Variants in FAM13C observed in about 807,000 individuals in gnomAD.
FAM13C encodes family with sequence similarity 13 member C.
FAM13C carries 37 observed loss-of-function variants against 73.2 expected under a neutral mutation model. That is an observed-to-expected ratio of 0.51 (90% CI 0.39 to 0.67). The LOEUF (loss-of-function observed/expected upper bound fraction) is 0.67, where lower values mean the gene tolerates loss of function less well. FAM13C is among the 30% of genes least tolerant of loss of function. FAM13C has a pLI of 0.00. For missense variants in FAM13C, 589 were observed against 715.6 expected, an observed-to-expected ratio of 0.82 and a Z score of 2.02; for synonymous variants, 246 against 260.9, an observed-to-expected ratio of 0.94 and a Z score of 0.55.
Position 59,252,955 on chromosome 10 carries a change from T to C in FAM13C, c.1376A>G (p.Gln459Arg). The C allele has an allele frequency of 6.2e-7, 1 of 1,614,062 alleles. No homozygotes were observed. The highest frequency in any genetic ancestry group is 1.1e-5 in the South Asian group (1 of 91,074). ...DSDEDRPQGSQQPSLADPASH... is the reference protein window; with the variant it reads ...DSDEDRPQGSRQPSLADPASH... ...TGCTGGATCTGCCAAAGAAGGTTGT[T>C]GGCTTCCCTGTGGACGGTCTTCATC... Residue 459 changes from glutamine (Q) to arginine (R), a missense_variant, in exon 12 of 14, where the codon CAA (glutamine) becomes CGA (arginine). Transcript: ENST00000618804.
chr10:59,325,708 G>A (rs1851013219), intron 3 of FAM13C, among the ~76,000 whole-genome samples: 1 of 152,158 alleles, frequency 6.6e-6, no homozygotes, highest in African/African-American at 2.4e-5. Context: ...AATTCCACAA[G>A]TGCCTGCCAA....
chr10:59,312,900 A>G (rs1385322995), intron 4 of FAM13C, among the ~76,000 whole-genome samples: 1 of 152,136 alleles, frequency 6.6e-6, no homozygotes, highest in African/African-American at 2.4e-5. Context: ...CTCTTGCTCC[A>G]TCAGCTCCAG....
intron 5 of FAM13C, among the ~76,000 whole-genome samples, chr10:59,300,504 G>A (rs1273529260): frequency 1.3e-5 from 2 of 152,080 alleles, no homozygotes; most frequent in Non-Finnish European, 2.9e-5. Context: ...ATAACAAAAA[G>A]TTCTACCTTA....
At chr10:59,298,250 T>C (rs968536341) in intron 5 of FAM13C, among the ~76,000 whole-genome samples, 4 of 152,226 alleles carry the variant, frequency 2.6e-5, no homozygotes, top group African/African-American at 7.2e-5. Context: ...AAGGAATCCA[T>C]GTAAGGCCAC....
chr10:59,341,621 G>A (rs1853533832), intron 3 of FAM13C, among the ~76,000 whole-genome samples: 1 of 152,124 alleles, frequency 6.6e-6, no homozygotes, highest in Non-Finnish European at 1.5e-5. Context: ...CCCGGAAGGT[G>A]GAGGTTGCGG....
intron 6 of FAM13C, chr10:59,282,721 G>A (rs1845076104): frequency 6.6e-6 from 1 of 151,954 alleles, no homozygotes; most frequent in Non-Finnish European, 1.5e-5. Flanking sequence ...ATATTCCTGG[G>A]AACATTAATT....
chr10:59,305,356 A>T (rs1848137054), intron 4 of FAM13C, among the ~76,000 whole-genome samples: 1 of 152,220 alleles, frequency 6.6e-6, no homozygotes, highest in African/African-American at 2.4e-5. Context: ...AGACAGTCTG[A>T]ATGCTATTAT....
intron 4 of FAM13C, among the ~76,000 whole-genome samples, chr10:59,321,198 G>A (rs1850197738): frequency 6.6e-6 from 1 of 152,036 alleles, no homozygotes; most frequent in African/African-American, 2.4e-5. Flanking sequence ...AATTATCTGA[G>A]TGAGCCCAAT....
intron 8 of FAM13C, among the ~76,000 whole-genome samples, chr10:59,265,588 C>T (rs2133505064): frequency 6.6e-6 from 1 of 152,288 alleles, no homozygotes; most frequent in Admixed American, 6.5e-5. Context: ...CTGTTCCACA[C>T]AGTTATTTCC....
chr10:59,288,743 G>A (rs1340688427), intron 5 of FAM13C, among the ~76,000 whole-genome samples: 2 of 152,190 alleles, frequency 1.3e-5, no homozygotes, highest in African/African-American at 4.8e-5. Flanking sequence ...AAAACAAACT[G>A]TTATAAATGG....
chr10:59,360,902 AGT>A, intron 1 of FAM13C: 1 of 455,756 alleles, frequency 2.2e-6, no homozygotes, highest in South Asian at 1.7e-5. Context: ...TCTGGAGCTA[AGT>A]GTCTCCATTT....
chr10:59,251,677 C>CTTATATACAAGAAG lies in FAM13C; in HGVS notation c.1533-2_1533-1insCTTCTTGTATATAA. On this transcript the variant is annotated splice_acceptor_variant, in intron 12 of 13. Transcript: ENST00000618804. LOFTEE classifies it high-confidence loss of function. ...TCGGAGATGGTCAAGAAGTACAGGCCTATATAAGGTAAAATACTTGTCATT... is the reference window on the plus strand; with the variant it reads ...TCGGAGATGGTCAAGAAGTACAGGCCTTATATACAAGAAGTATATAAGGTAAAATACTTGTCATT... 6.2e-7 allele frequency: 1 copy of CTTATATACAAGAAG among 1,600,742 alleles called. No homozygotes were observed. Among genetic ancestry groups the CTTATATACAAGAAG allele is most frequent in the Non-Finnish European group, 8.5e-7 (1 of 1,175,080 alleles).
intron 3 of FAM13C, among the ~76,000 whole-genome samples, chr10:59,328,660 C>G (rs1851509351): frequency 6.6e-6 from 1 of 152,164 alleles, no homozygotes; most frequent in African/African-American, 2.4e-5. Flanking sequence ...ATCAAATGTT[C>G]ATCTTCTCAT....
Position 59,324,059 on chromosome 10 carries a change from TG to T in FAM13C, c.371del (p.Ala124GlufsTer26). 6.2e-7 allele frequency: 1 copy of T among 1,614,094 alleles called. No homozygotes were observed. The highest frequency in any genetic ancestry group is 8.5e-7 in the Non-Finnish European group (1 of 1,179,984). Reference sequence around the variant, plus strand: ...GTGGACTCTCATGAGCTGGTGTTCCTGCTCTCACCTGACACTCTGACTGGCT... The same window carrying T: ...GTGGACTCTCATGAGCTGGTGTTCCTCTCTCACCTGACACTCTGACTGGCT... ...VSSQSECQVRAGTPAHESPQN... is the reference protein window; with the variant it reads ...VSSQSECQVRXGTPAHESPQN... On this transcript the variant is annotated frameshift_variant, in exon 4 of 14. Coordinates refer to ENST00000618804, the MANE Select transcript of FAM13C (RefSeq NM_198215.4). LOFTEE classifies it high-confidence loss of function.
At chr10:59,315,483 T>C (rs75825752) in intron 4 of FAM13C, among the ~76,000 whole-genome samples, 1,590 of 152,276 alleles carry the variant, frequency 0.01, 29 homozygotes, top group African/African-American at 0.036. Context: ...GGTGATGGTA[T>C]GTCCCCTAGG....
intron 8 of FAM13C, among the ~76,000 whole-genome samples, chr10:59,265,867 T>C (rs1452194355): frequency 6.6e-6 from 1 of 152,200 alleles, no homozygotes; most frequent in Non-Finnish European, 1.5e-5. Flanking sequence ...ATATACAAGC[T>C]GTAGATCTTC....
chr10:59,281,278 T>C lies in FAM13C; in HGVS notation c.592+2085A>G, dbSNP rs1447074472. ...GAGTTAAGAACCATGGATCTGAGCATAAATTTCTTCCCTGAGTGACTCATT... is the reference window on the plus strand; with the variant it reads ...GAGTTAAGAACCATGGATCTGAGCACAAATTTCTTCCCTGAGTGACTCATT... On this transcript the variant is annotated intron_variant, in intron 6 of 13. Coordinates refer to ENST00000618804, the MANE Select transcript of FAM13C (RefSeq NM_198215.4). 2.6e-5 allele frequency among the ~76,000 whole-genome samples: 4 copies of C among 152,178 alleles called. No homozygotes were observed. In the East Asian group the frequency reaches 7.7e-4, roughly 29 times the overall value.
Position 59,361,984 on chromosome 10 carries a change from T to C in FAM13C, c.62+415A>G, listed in dbSNP as rs1403578841. ...AGGGCCAAGATAAGTTTAGCCTGTT[T>C]ACCACATGCTGGAATTCAGCTCATT... On this transcript the variant is annotated intron_variant, in intron 1 of 13. Coordinates refer to ENST00000618804, the MANE Select transcript of FAM13C (RefSeq NM_198215.4). Among the ~76,000 whole-genome samples, 3 of 152,322 alleles carry C rather than the reference T, an allele frequency of 2.0e-5. No individual in the cohort carries two copies. The East Asian group carries it at 5.8e-4, about 29-fold the overall frequency.
At chr10:59,298,549 T>G (rs1453391227) in intron 5 of FAM13C, among the ~76,000 whole-genome samples, 1 of 152,174 alleles carries the variant, frequency 6.6e-6, no homozygotes, top group East Asian at 1.9e-4. Flanking sequence ...AGAAGGCCCA[T>G]GGTGACCCAG....
Sources: gnomAD v4.1 joint callset for allele counts (sites outside exome capture counted in the v4.1 genomes callset) on GRCh38, gnomAD v4.1.1 for gene constraint, MANE v1.5 for transcripts, NCBI Gene and HGNC (gene_info 2026-07-23, HGNC 2026-07-21) for gene names.